LRP5: variants seen among roughly 807,000 people sequenced by gnomAD.
LRP5 encodes the protein LDL receptor related protein 5.
In LRP5, 62 loss-of-function variants were observed where a neutral mutation model predicts 154.1. The ratio of observed to expected loss-of-function variants is 0.40; its 90% CI spans 0.33 to 0.50. LRP5 has a LOEUF of 0.50. Ranked by LOEUF, LRP5 falls within the 20% of genes least tolerant of loss-of-function variation. The pLI, the probability that LRP5 is intolerant of heterozygous loss-of-function variation, is 0.55. For synonymous variants in LRP5, 966 were observed against 1,011.5 expected (o/e 0.96, Z 0.85); for missense variants, 1,915 against 2,336.7 (o/e 0.82, Z 3.72).
rs550654131 is a variant in LRP5, at chr11:68,419,631, C to A, written c.3027+3104C>A. On this transcript the variant is annotated intron_variant, in intron 13 of 22. Coordinates refer to ENST00000294304, the MANE Select transcript of LRP5 (RefSeq NM_002335.4). ...ATCAACTCACTGCAACCTCTGCCTC[C>A]CAGGTTCAAGCGACTCTCCTGCCTC... Among the ~76,000 whole-genome samples, 285 of 151,914 alleles carry A rather than the reference C, an allele frequency of 1.9e-3. 1 individual carries two copies. Among genetic ancestry groups the A allele is most frequent in the South Asian group, 4.2e-3 (20 of 4,800 alleles).
In LRP5 at chr11:68,433,852, C is replaced by G. The variant is rs545461250; in HGVS notation, c.4000+14C>G. ...CGGACTGTGACGGTGAGGCCCTCCC[C>G]GTCAAGGCTCTGCCAAGACCCTGGC... On this transcript the variant is annotated intron_variant, in intron 18 of 22. Coordinates refer to ENST00000294304, the MANE Select transcript of LRP5 (RefSeq NM_002335.4). 1 of 1,608,190 alleles carries G rather than the reference C, an allele frequency of 6.2e-7. No homozygotes were observed. The highest frequency in any genetic ancestry group is 1.3e-5 in the African/African-American group (1 of 74,946).
intron 2 of LRP5, among the ~76,000 whole-genome samples, chr11:68,354,412 C>T (rs1487949986): frequency 6.6e-6 from 1 of 152,204 alleles, no homozygotes; most frequent in Non-Finnish European, 1.5e-5. Flanking sequence ...GCACGTTTTC[C>T]AGCCTTTTCC....
chr11:68,320,691 A>G (rs2098596254), intron 1 of LRP5, among the ~76,000 whole-genome samples: 1 of 151,804 alleles, frequency 6.6e-6, no homozygotes, highest in South Asian at 2.1e-4. Context: ...CGAACTCCTG[A>G]CCTCAAGTGA....
chr11:68,384,366 G>C (rs2153151653), intron 5 of LRP5, among the ~76,000 whole-genome samples: 1 of 152,276 alleles, frequency 6.6e-6, no homozygotes, highest in Non-Finnish European at 1.5e-5. Flanking sequence ...GGGAGGCTCT[G>C]GGCTGGTTCA....
chr11:68,386,822 G>A lies in LRP5; in HGVS notation c.1412+110G>A. ...GGACACTGTCTTGCATCAGAACCCG[G>A]AGGAGGGCTTGTTAAAACACCGGCA... On this transcript the variant is annotated intron_variant, in intron 6 of 22. Coordinates refer to ENST00000294304, the MANE Select transcript of LRP5 (RefSeq NM_002335.4). The surrounding 1 kb of genome is among the most constrained non-coding windows in gnomAD (Gnocchi z 7.9). The A allele has an allele frequency of 7.7e-7, 1 of 1,292,618 alleles. No homozygotes were observed. The allele number at this position is 1,292,618 out of a possible 1,614,324, so 80.1% of individuals were successfully genotyped here.
intron 17 of LRP5, among the ~76,000 whole-genome samples, chr11:68,430,266 C>T (rs767006875): frequency 4.6e-5 from 7 of 152,180 alleles, no homozygotes; most frequent in East Asian, 1.9e-4. Context: ...CTCTGCCTCC[C>T]GGGTTCAAGT....
At chr11:68,444,344 A>G (rs1258997821) in intron 21 of LRP5, among the ~76,000 whole-genome samples, 3 of 151,988 alleles carry the variant, frequency 2.0e-5, no homozygotes, top group African/African-American at 7.2e-5. Flanking sequence ...GTGAAACCCC[A>G]TCTCTACTAA....
intron 18 of LRP5, among the ~76,000 whole-genome samples, chr11:68,436,183 T>G (rs1429152834): frequency 6.6e-6 from 1 of 152,232 alleles, no homozygotes; most frequent in East Asian, 1.9e-4. Context: ...CTTTCTTCCC[T>G]GCTTGGTTAC....
At chr11:68,446,615 T>A (rs1270838327) in intron 22 of LRP5, 82 bp downstream of exon 22, 1 of 1,219,746 alleles carries the variant, frequency 8.2e-7, no homozygotes, top group East Asian at 2.3e-5. Flanking sequence ...ATGCCACTGA[T>A]GAGGGGAGGT....
At chr11:68,311,047 G>A (rs2098587476), upstream of LRP5, among the ~76,000 whole-genome samples, 1 of 152,186 alleles carries the variant, frequency 6.6e-6, no homozygotes, top group Non-Finnish European at 1.5e-5. Context: ...GAGGCTGCAA[G>A]TGGGGACGCA....
In LRP5 at chr11:68,449,142, A is replaced by G. The variant is rs1336360954; in HGVS notation, c.*72A>G. ...TAAATATGAACAAAGAAAAAAATAT[A>G]TTTTATGATTTAAAAAATAAATATA... On this transcript the variant is annotated 3_prime_UTR_variant, in exon 23 of 23. Coordinates refer to ENST00000294304, the MANE Select transcript of LRP5 (RefSeq NM_002335.4). 1.8e-5 allele frequency: 21 copies of G among 1,195,102 alleles called. No individual in the cohort carries two copies. The highest frequency in any genetic ancestry group is 3.0e-4 in the Middle Eastern group (1 of 3,292). The allele number at this position is 1,195,102 out of a possible 1,614,324, so 74.0% of individuals were successfully genotyped here.
At chr11:68,410,397 G>T (rs1349490732) in intron 10 of LRP5, among the ~76,000 whole-genome samples, 1 of 152,170 alleles carries the variant, frequency 6.6e-6, no homozygotes, top group African/African-American at 2.4e-5. Flanking sequence ...AGTGTCCATG[G>T]AGCCTGCGTA....
intron 7 of LRP5, 45 bp downstream of exon 7, chr11:68,390,097 C>T: frequency 6.2e-7 from 1 of 1,604,840 alleles, no homozygotes; most frequent in Non-Finnish European, 8.5e-7. Context: ...CCAGGCCCAG[C>T]CACCCCCTGC....
intron 5 of LRP5, among the ~76,000 whole-genome samples, chr11:68,371,413 G>A (rs1247253252): frequency 1.3e-5 from 2 of 152,226 alleles, no homozygotes; most frequent in Non-Finnish European, 1.5e-5. Flanking sequence ...AATGGGGCGC[G>A]GGCTTCAGAC....
chr11:68,448,091 A>C (rs2098682437), intron 22 of LRP5, among the ~76,000 whole-genome samples: 1 of 152,212 alleles, frequency 6.6e-6, no homozygotes, highest in Non-Finnish European at 1.5e-5. Context: ...AAGGAGGAGC[A>C]AGTCACATCT....
chr11:68,316,192 A>G (rs1343576184), intron 1 of LRP5, among the ~76,000 whole-genome samples: 5 of 152,072 alleles, frequency 3.3e-5, no homozygotes, highest in Non-Finnish European at 7.4e-5. Flanking sequence ...GAATCTTACA[A>G]TGCGTCTTCG....
chr11:68,420,028 G>T (rs1302628504), intron 13 of LRP5, among the ~76,000 whole-genome samples: 1 of 151,418 alleles, frequency 6.6e-6, no homozygotes, highest in Non-Finnish European at 1.5e-5. Context: ...GACTCAAGCA[G>T]TCCACCCACC....
intron 21 of LRP5, among the ~76,000 whole-genome samples, chr11:68,443,485 G>A (rs1484488632): frequency 7.0e-5 from 6 of 86,218 alleles, no homozygotes; most frequent in Admixed American, 1.5e-4. Flanking sequence ...GCGAGACTCT[G>A]TCTCAAAAAA....
intron 21 of LRP5, 116 bp downstream of exon 21, chr11:68,440,032 G>A (rs2098677342): frequency 1.1e-6 from 1 of 877,186 alleles, no homozygotes; most frequent in Non-Finnish European, 1.7e-6. Context: ...CCGCCTCTGA[G>A]GCATGCTTGC....
Sources: gnomAD v4.1 joint callset for allele counts (sites outside exome capture counted in the v4.1 genomes callset) on GRCh38, gnomAD v4.1.1 for gene constraint, Gnocchi (gnomAD v3.1) non-coding constraint, MANE v1.5 for transcripts, NCBI Gene and HGNC (gene_info 2026-07-23, HGNC 2026-07-21) for gene names.